Variants in EPHA3 observed in about 807,000 individuals in gnomAD.
The protein encoded by EPHA3 is EPH receptor A3, also known as ephrin type-A receptor 3.
EPHA3 carries 42 observed loss-of-function variants against 107.1 expected under a neutral mutation model. The ratio of observed to expected loss-of-function variants is 0.39; its 90% CI spans 0.31 to 0.51. EPHA3 has a LOEUF of 0.51. Ranked by LOEUF, EPHA3 falls within the 20% of genes least tolerant of loss-of-function variation. The probability of loss-of-function intolerance (pLI) is 0.78; values close to 1 mark genes in which losing one functional copy is unlikely to be tolerated. For synonymous variants in EPHA3, 461 were observed against 424.8 expected (o/e 1.09, Z -1.05); for missense variants, 1,183 against 1,211.2 (o/e 0.98, Z 0.35).
intron 3 of EPHA3, among the ~76,000 whole-genome samples, chr3:89,238,617 T>C (rs1704825925): frequency 6.6e-6 from 1 of 152,226 alleles, no homozygotes; most frequent in Non-Finnish European, 1.5e-5. Flanking sequence ...ATGTGGATAA[T>C]TGTCATTTAT....
At chr3:89,459,229 A>G (rs907681406) in intron 15 of EPHA3, among the ~76,000 whole-genome samples, 1 of 152,196 alleles carries the variant, frequency 6.6e-6, no homozygotes, top group Admixed American at 6.6e-5. Flanking sequence ...TGAGGTATTA[A>G]GAAAACTATT....
At chr3:89,201,559 T>G (rs1705969468) in intron 2 of EPHA3, among the ~76,000 whole-genome samples, 1 of 152,200 alleles carries the variant, frequency 6.6e-6, no homozygotes, top group Non-Finnish European at 1.5e-5. Context: ...AAGTGTTTAC[T>G]TTGCAAATGT....
chr3:89,384,061 C>T (rs1359248888), intron 5 of EPHA3, among the ~76,000 whole-genome samples: 3 of 151,992 alleles, frequency 2.0e-5, no homozygotes, highest in Admixed American at 6.6e-5. Context: ...TGTCCCTCCT[C>T]GATCTTTGGA....
chr3:89,160,831 C>T (rs1704920113), intron 2 of EPHA3, among the ~76,000 whole-genome samples: 2 of 152,036 alleles, frequency 1.3e-5, no homozygotes, highest in South Asian at 4.1e-4. Flanking sequence ...TCTCAAACCT[C>T]AAATATTTCT....
intron 2 of EPHA3, among the ~76,000 whole-genome samples, chr3:89,131,581 A>C (rs1704208084): frequency 6.6e-6 from 1 of 152,156 alleles, no homozygotes; most frequent in Non-Finnish European, 1.5e-5. Context: ...TTAGTATAGT[A>C]TTGATATTGT....
rs752667764 is a variant in EPHA3, at chr3:89,480,897, C to T, written c.*1395C>T. 1 of 232,082 alleles carries T rather than the reference C, an allele frequency of 4.3e-6. No homozygotes were observed. Among genetic ancestry groups the T allele is most frequent in the Non-Finnish European group, 8.5e-6 (1 of 117,170 alleles). The allele number at this position is 232,082 out of a possible 1,614,324, so 14.4% of individuals were successfully genotyped here. ...ACATAACATTTTCAGAATAGTTGGT[C>T]ATCTAGCAACCGCCTCAAAATGTGT... On this transcript the variant is annotated 3_prime_UTR_variant, in exon 17 of 17. Coordinates refer to ENST00000336596, the MANE Select transcript of EPHA3 (RefSeq NM_005233.6).
intron 11 of EPHA3, among the ~76,000 whole-genome samples, chr3:89,427,708 T>A (rs1709487575): frequency 6.6e-6 from 1 of 151,898 alleles, no homozygotes; most frequent in Non-Finnish European, 1.5e-5. Context: ...TTGTATTACC[T>A]CAACAAGTTG....
At chr3:89,200,970 T>C (rs549589702) in intron 2 of EPHA3, among the ~76,000 whole-genome samples, 1 of 152,140 alleles carries the variant, frequency 6.6e-6, no homozygotes, top group East Asian at 1.9e-4. Flanking sequence ...ACCCCAGCCC[T>C]GAACTGGAAT....
chr3:89,290,984 G>A (rs1512908), intron 3 of EPHA3, among the ~76,000 whole-genome samples: 33,979 of 151,972 alleles, frequency 0.22, 4,223 homozygotes, highest in Non-Finnish European at 0.27. Flanking sequence ...CAGATAGCTC[G>A]GTTTCTTCCC....
intron 3 of EPHA3, among the ~76,000 whole-genome samples, chr3:89,330,278 T>C (rs551740451): frequency 6.6e-6 from 1 of 152,080 alleles, no homozygotes; most frequent in Non-Finnish European, 1.5e-5. Flanking sequence ...TTACTTTATT[T>C]TTCTGTTACC....
At chr3:89,165,418 G>A (rs915735777) in intron 2 of EPHA3, among the ~76,000 whole-genome samples, 1 of 152,156 alleles carries the variant, frequency 6.6e-6, no homozygotes, top group African/African-American at 2.4e-5. Flanking sequence ...TAAATGCAAT[G>A]CAATGCAAAT....
At chr3:89,129,024 G>A (rs1704146992) in intron 2 of EPHA3, among the ~76,000 whole-genome samples, 1 of 152,040 alleles carries the variant, frequency 6.6e-6, no homozygotes, top group South Asian at 2.1e-4. Flanking sequence ...TCAACATGTG[G>A]GAGATTGTTA....
intron 3 of EPHA3, among the ~76,000 whole-genome samples, chr3:89,307,970 T>C (rs1298374233): frequency 1.3e-5 from 2 of 152,190 alleles, no homozygotes; most frequent in Non-Finnish European, 2.9e-5. Context: ...TGATTTACGA[T>C]AGCATCTAGA....
chr3:89,373,518 T>G (rs1708346380), intron 5 of EPHA3, among the ~76,000 whole-genome samples: 1 of 151,908 alleles, frequency 6.6e-6, no homozygotes, highest in Non-Finnish European at 1.5e-5. Context: ...AAATGGGAAC[T>G]TAGAGAGTCA....
intron 13 of EPHA3, among the ~76,000 whole-genome samples, chr3:89,432,496 C>A (rs1709588683): frequency 6.6e-6 from 1 of 152,048 alleles, no homozygotes; most frequent in Admixed American, 6.6e-5. Flanking sequence ...AGTGATTCTC[C>A]CGGGCTCAAG....
At chr3:89,158,492 T>A (rs1396310506) in intron 2 of EPHA3, among the ~76,000 whole-genome samples, 1 of 152,142 alleles carries the variant, frequency 6.6e-6, no homozygotes, top group Non-Finnish European at 1.5e-5. Context: ...AATTCCTAAA[T>A]TTGTTTATCA....
In EPHA3 at chr3:89,361,696, G is replaced by A. The variant is rs114955486; in HGVS notation, c.1306+19606G>A. ...GAGCTAAGACGAACATTTTCTGAGCGCTCACCTCAACAGACCTGCCTCACT... is the reference window on the plus strand; with the variant it reads ...GAGCTAAGACGAACATTTTCTGAGCACTCACCTCAACAGACCTGCCTCACT... On this transcript the variant is annotated intron_variant, in intron 5 of 16. Coordinates refer to ENST00000336596, the MANE Select transcript of EPHA3 (RefSeq NM_005233.6). 9.3e-4 allele frequency among the ~76,000 whole-genome samples: 141 copies of A among 150,994 alleles called. 2 individuals carry two copies. The highest frequency in any genetic ancestry group is 3.2e-3 in the African/African-American group (133 of 41,424).
At chr3:89,171,290 A>G (rs1240083529) in intron 2 of EPHA3, among the ~76,000 whole-genome samples, 1 of 152,168 alleles carries the variant, frequency 6.6e-6, no homozygotes, top group Non-Finnish European at 1.5e-5. Flanking sequence ...AGCCAAGCAG[A>G]TTCAACTTTG....
intron 3 of EPHA3, among the ~76,000 whole-genome samples, chr3:89,259,001 A>G (rs1030524988): frequency 6.6e-6 from 1 of 152,178 alleles, no homozygotes; most frequent in Non-Finnish European, 1.5e-5. Context: ...ATCTTAGTTT[A>G]TTGAATTGTA....
Sources: gnomAD v4.1 joint callset for allele counts (sites outside exome capture counted in the v4.1 genomes callset) on GRCh38, gnomAD v4.1.1 for gene constraint, MANE v1.5 for transcripts, NCBI Gene and HGNC (gene_info 2026-07-23, HGNC 2026-07-21) for gene names.